Variants in SNRNP35 observed in about 807,000 individuals in gnomAD.
SNRNP35 encodes the protein small nuclear ribonucleoprotein U11/U12 subunit 35.
SNRNP35 carries 16 observed loss-of-function variants against 24.3 expected under a neutral mutation model. That is an observed-to-expected ratio of 0.66 (90% CI 0.45 to 1.00). SNRNP35 has a LOEUF of 1.00. SNRNP35 is among the 50% of genes least tolerant of loss of function. The probability of loss-of-function intolerance (pLI) is 0.00; values close to 1 mark genes in which losing one functional copy is unlikely to be tolerated. For missense variants in SNRNP35, 292 were observed against 327.2 expected (o/e 0.89, Z 0.83); for synonymous variants, 106 against 124.8 (o/e 0.85, Z 1.00).
Position 123,465,894 on chromosome 12 carries a change from C to T in SNRNP35, c.354C>T (p.Asp118=). The T allele has an allele frequency of 1.2e-6, 2 of 1,613,828 alleles. No homozygotes were observed. Among genetic ancestry groups the T allele is most frequent in the Admixed American group, 1.7e-5 (1 of 59,890 alleles). ...GAGATGCTGATGGCCTGGTTATTGA[C>T]CAGCATGAGATATTTGTGGACTACG... The part of the protein sequence containing the change: ...AYRDADGLVI[D]QHEIFVDYEL... Residue 118 remains aspartate, a synonymous_variant, in exon 2 of 2, where the codon GAC becomes GAT. Transcript: ENST00000526639. The surrounding 1 kb of genome is among the most constrained non-coding windows in gnomAD (Gnocchi z 4.2).
chr12:123,461,378 G>A (rs1268239347), intron 1 of SNRNP35, among the ~76,000 whole-genome samples: 7 of 147,646 alleles, frequency 4.7e-5, no homozygotes, highest in Non-Finnish European at 9.0e-5. Flanking sequence ...TGCCCGCCTC[G>A]GCCTCCCAAA....
chr12:123,468,140 C>T (rs1209986296), downstream of SNRNP35, among the ~76,000 whole-genome samples: 1 of 151,758 alleles, frequency 6.6e-6, no homozygotes, highest in Admixed American at 6.6e-5. Context: ...GGGCAGATCA[C>T]CTGAGGACAG....
chr12:123,463,440 C>T (rs533928373), intron 1 of SNRNP35, among the ~76,000 whole-genome samples: 18 of 148,932 alleles, frequency 1.2e-4, no homozygotes, highest in Non-Finnish European at 1.3e-4. Context: ...TGCGGTGATG[C>T]GACCTCGGCT....
intron 1 of SNRNP35, among the ~76,000 whole-genome samples, chr12:123,461,177 G>A (rs1255567804): frequency 1.3e-5 from 2 of 150,654 alleles, no homozygotes; most frequent in Admixed American, 6.6e-5. Flanking sequence ...GTGCAATGGC[G>A]GGATCTCAGC....
intron 1 of SNRNP35, among the ~76,000 whole-genome samples, chr12:123,463,432 C>T (rs1009260647): frequency 1.3e-5 from 2 of 151,560 alleles, no homozygotes; most frequent in African/African-American, 4.9e-5. Flanking sequence ...GGCTGGAGTG[C>T]GGTGATGCGA....
downstream of SNRNP35, among the ~76,000 whole-genome samples, chr12:123,467,447 T>A (rs1466462839): frequency 2.0e-5 from 3 of 152,314 alleles, no homozygotes; most frequent in African/African-American, 7.2e-5. Flanking sequence ...GAATTACAGC[T>A]AGTTCTGATG....
intron 1 of SNRNP35, among the ~76,000 whole-genome samples, chr12:123,464,199 C>T (rs1004697107): frequency 6.6e-5 from 10 of 150,438 alleles, no homozygotes; most frequent in Non-Finnish European, 1.5e-4. Flanking sequence ...TCCTAAAGTG[C>T]TGGGATTATA....
chr12:123,463,850 G>A (rs1013283711), intron 1 of SNRNP35, among the ~76,000 whole-genome samples: 3 of 147,454 alleles, frequency 2.0e-5, no homozygotes, highest in African/African-American at 7.5e-5. Context: ...CTGCAACCTC[G>A]CCTCCTGGGT....
At chr12:123,464,255 T>C (rs969154786) in intron 1 of SNRNP35, among the ~76,000 whole-genome samples, 2 of 149,100 alleles carry the variant, frequency 1.3e-5, no homozygotes, top group Non-Finnish European at 3.0e-5. Context: ...TTTTTTTTTT[T>C]TTGAGATGGA....
At position 123,461,155 on chromosome 12, in the gene SNRNP35, G is replaced by A. The variant is rs1451556560; in HGVS notation, c.-4+2939G>A. Among the ~76,000 whole-genome samples the A allele has an allele frequency of 4.7e-5, 7 of 148,882 alleles. No individual in the cohort carries two copies. In the East Asian group the frequency reaches 1.0e-3, roughly 21 times the overall value. The stretch of plus-strand genomic sequence containing the variant: ...TTTTGAGACGGAGTCTCGCTCTGTC[G>A]CCCAGGCTGGAGTGCAATGGCGGGA... On this transcript the variant is annotated intron_variant, in intron 1 of 1. Coordinates refer to ENST00000526639, the MANE Select transcript of SNRNP35 (RefSeq NM_022717.4).
In SNRNP35 at chr12:123,458,157, C is replaced by G; in HGVS notation, c.-63C>G. 1.0e-6 allele frequency: 1 copy of G among 985,438 alleles called. No homozygotes were observed. Among genetic ancestry groups the G allele is most frequent in the South Asian group, 4.7e-5 (1 of 21,290 alleles). The allele number at this position is 985,438 out of a possible 1,614,324, so 61.0% of individuals were successfully genotyped here. On this transcript the variant is annotated 5_prime_UTR_variant, in exon 1 of 2. The change creates a new upstream start codon in the 5' untranslated region. Transcript: ENST00000526639. ...TCAGGCCGAGGCCGGCGCGGAGAAT[C>G]TGCTGTCGCCTGCAGCTGCTCGCCT...
At chr12:123,459,107 A>T (rs1459473974) in intron 1 of SNRNP35, 1 of 79,532 alleles carries the variant, frequency 1.3e-5, no homozygotes, top group Non-Finnish European at 2.4e-5. Context: ...AGAATTGATT[A>T]TTGATTGATT....
At chr12:123,472,559 C>T in exon 2 of SNRNP35, 1 of 1,552,446 alleles carries the variant, frequency 6.4e-7, no homozygotes, top group Non-Finnish European at 8.7e-7. Context: ...GCAGGGCTTC[C>T]TGTCCTTGCT....
At position 123,465,881 on chromosome 12, in the gene SNRNP35, G is replaced by A. The variant is rs907329089; in HGVS notation, c.341G>A (p.Gly114Asp). The change falls in exon 2 of 2, where the codon GGC (glycine) becomes GAC (aspartate). Residue 114 changes from glycine to aspartate, a missense_variant. By Grantham distance (94) the Gly-to-Asp change is moderately conservative (BLOSUM62 -1). Coordinates refer to ENST00000526639, the MANE Select transcript of SNRNP35 (RefSeq NM_022717.4). The surrounding 1 kb of genome is among the most constrained non-coding windows in gnomAD (Gnocchi z 4.2). ...ATCAAAGCTTACCGAGATGCTGATG[G>A]CCTGGTTATTGACCAGCATGAGATA... ...AVIKAYRDAD[G>D]LVIDQHEIFV... The A allele has an allele frequency of 6.8e-6, 11 of 1,614,024 alleles. No homozygotes were observed. The East Asian group carries it at 2.5e-4, about 36-fold the overall frequency.
chr12:123,462,166 G>A (rs1880670104), intron 1 of SNRNP35, among the ~76,000 whole-genome samples: 1 of 152,202 alleles, frequency 6.6e-6, no homozygotes, highest in South Asian at 2.1e-4. Context: ...TGAGCTGTGA[G>A]AAAGACACAG....
Position 123,472,401 on chromosome 12 carries a change from G to C in SNRNP35, n.1408G>C, listed in dbSNP as rs186338013. 6.8e-4 allele frequency: 579 copies of C among 857,748 alleles called. 4 individuals carry two copies. The highest frequency in any genetic ancestry group is 3.6e-3 in the Middle Eastern group (10 of 2,764). 53.1% of individuals were successfully genotyped at this position (857,748 alleles called of 1,614,324 possible). On this transcript the variant is annotated non_coding_transcript_exon_variant, in exon 2 of 2. Coordinates refer to the SNRNP35 transcript ENST00000527158. ...TTTTTCAATGTCCATCCTCAAATCA[G>C]ACAGTCTGTTTGAGGGGTCAGTTTT...
chr12:123,472,798 AG>A, exon 2 of SNRNP35: 1 of 1,132,286 alleles, frequency 8.8e-7, no homozygotes, highest in Non-Finnish European at 1.3e-6. Flanking sequence ...AATCAATTCA[AG>A]GTGTGAAAGA....
Position 123,466,446 on chromosome 12 carries a change from A to G in SNRNP35, c.*165A>G. The G allele has an allele frequency of 3.0e-6, 2 of 662,558 alleles. No individual in the cohort carries two copies. The highest frequency in any genetic ancestry group is 4.9e-6 in the Non-Finnish European group (2 of 408,030). 41.0% of individuals were successfully genotyped at this position (662,558 alleles called of 1,614,324 possible). A position where few individuals can be genotyped will look rare whatever the true frequency, so the allele number is the denominator to read the frequency against. On this transcript the variant is annotated 3_prime_UTR_variant, in exon 2 of 2. Transcript: ENST00000526639. ...GGAACTTCGGTTCAAGCTGATAGGA[A>G]TTTATCATCTTCCTCACATAGTTCT...
rs1218351213 is a variant in SNRNP35, at chr12:123,466,219, A to G, written c.679A>G (p.Arg227Gly). 1 of 1,559,880 alleles carries G rather than the reference A, an allele frequency of 6.4e-7. No homozygotes were observed. The highest frequency in any genetic ancestry group is 1.2e-5 in the South Asian group (1 of 81,100). ...TRVWPDNDWE[R>G]ERDFRDDRIK... The stretch of plus-strand genomic sequence containing the variant: ...GGTGTGGCCCGACAATGACTGGGAG[A>G]GAGAGAGGGACTTCAGAGATGACAG... Residue 227 changes from arginine to glycine, a missense_variant, in exon 2 of 2, where the codon AGA (arginine) becomes GGA (glycine). By Grantham distance (125) the Arg-to-Gly change is moderately radical. Coordinates refer to ENST00000526639, the MANE Select transcript of SNRNP35 (RefSeq NM_022717.4).
Sources: allele counts gnomAD v4.1 joint callset (sites outside exome capture counted in the v4.1 genomes callset), GRCh38; gene constraint gnomAD v4.1.1; non-coding constraint Gnocchi (gnomAD v3.1); transcripts MANE v1.5; gene names NCBI Gene and HGNC (gene_info 2026-07-23, HGNC 2026-07-21).